The following STARD9 variants were observed in gnomAD, a reference collection of about 807,000 sequenced individuals.
STARD9 encodes the protein stAR-related lipid transfer protein 9.
Under a neutral mutation model 399.8 loss-of-function variants are expected in STARD9, and 346 were observed. The observed-to-expected ratio is 0.87, with a 90% CI of 0.79 to 0.95. The LOEUF (loss-of-function observed/expected upper bound fraction) is 0.95. Ranked by LOEUF, STARD9 falls within the 40% of genes least tolerant of loss-of-function variation. STARD9 has a pLI of 0.00. For missense variants in STARD9, 5,832 were observed against 5,667.5 expected, an observed-to-expected ratio of 1.03 and a Z score of -0.93; for synonymous variants, 2,203 against 2,143.5, an observed-to-expected ratio of 1.03 and a Z score of -0.77.
chr15:42,588,802 T>G (rs1160709503), intron 3 of STARD9, among the ~76,000 whole-genome samples: 26 of 41,854 alleles, frequency 6.2e-4, no homozygotes, highest in African/African-American at 8.7e-4. Flanking sequence ...TTTTTTTTTT[T>G]TTTTTTTTTT....
intron 26 of STARD9, among the ~76,000 whole-genome samples, chr15:42,699,346 A>G (rs1180921715): frequency 6.7e-6 from 1 of 149,666 alleles, no homozygotes. Flanking sequence ...GCCTCTGGTA[A>G]CCACTATTCT....
At chr15:42,649,190 C>T (rs956696446) in intron 7 of STARD9, among the ~76,000 whole-genome samples, 7 of 152,056 alleles carry the variant, frequency 4.6e-5, no homozygotes, top group African/African-American at 9.7e-5. Context: ...CCACCACAGC[C>T]GGCTGATTTT....
In STARD9 at chr15:42,688,328, A is replaced by G. The variant is rs1327669787; in HGVS notation, c.6750A>G (p.Lys2250=). ...GTCTTGAGGAATTGGAGACTGTGAA[A>G]GGTTTTCAGGAAAGCCAAGTAGCTG... ...LGSLEELETV[K]GFQESQVAEH... Residue 2250 remains lysine (K), a synonymous_variant, in exon 23 of 33, where the codon AAA becomes AAG. Transcript: ENST00000290607. The G allele has an allele frequency of 1.3e-6, 2 of 1,537,434 alleles. No individual in the cohort carries two copies. The highest frequency in any genetic ancestry group is 4.9e-5 in the East Asian group (2 of 40,928).
chr15:42,657,083 G>A (rs976796439), intron 9 of STARD9, among the ~76,000 whole-genome samples: 6 of 152,220 alleles, frequency 3.9e-5, no homozygotes, highest in African/African-American at 7.2e-5. Flanking sequence ...AAGGCTGGGC[G>A]TGGTGGCTCA....
chr15:42,640,617 T>G (rs1313310522), intron 7 of STARD9, among the ~76,000 whole-genome samples: 1 of 151,864 alleles, frequency 6.6e-6, no homozygotes, highest in Non-Finnish European at 1.5e-5. Context: ...GTCAGGAGAT[T>G]GAGACCATCC....
intron 3 of STARD9, among the ~76,000 whole-genome samples, chr15:42,615,034 A>G (rs1447887505): frequency 1.7e-4 from 23 of 137,752 alleles, no homozygotes; most frequent in Non-Finnish European, 2.8e-4. Context: ...TTTTTCCAGG[A>G]GTCTTGCTCT....
chr15:42,676,468 AAGAATCC>A (rs769663696), intron 20 of STARD9, among the ~76,000 whole-genome samples: 4 of 152,208 alleles, frequency 2.6e-5, no homozygotes, highest in Admixed American at 6.5e-5. Context: ...TCTCATAACC[AAGAATCC>A]AGAACTGTGC....
chr15:42,709,721 G>GA (rs1485113862), intron 26 of STARD9, among the ~76,000 whole-genome samples: 1 of 152,120 alleles, frequency 6.6e-6, no homozygotes, highest in African/African-American at 2.4e-5. Context: ...GGAGATGATG[G>GA]AAAATCCTGT....
At chr15:42,601,271 C>T (rs1197050926) in intron 3 of STARD9, among the ~76,000 whole-genome samples, 2 of 152,178 alleles carry the variant, frequency 1.3e-5, no homozygotes, top group Non-Finnish European at 2.9e-5. Context: ...CTTCTTTCTA[C>T]GCAGACACAG....
chr15:42,660,565 C>CA (rs1230698735), intron 9 of STARD9, among the ~76,000 whole-genome samples: 633 of 50,448 alleles, frequency 0.013, 1 homozygote, highest in African/African-American at 0.036. Context: ...AACTCCGGCT[C>CA]AAAAAAAAAA....
At chr15:42,666,676 T>C (rs1440291948) in intron 15 of STARD9, among the ~76,000 whole-genome samples, 2 of 152,042 alleles carry the variant, frequency 1.3e-5, no homozygotes, top group Non-Finnish European at 2.9e-5. Flanking sequence ...ATGATAGTTG[T>C]ATGCAGGATG....
In STARD9 at chr15:42,688,479, C is replaced by G; in HGVS notation, c.6901C>G (p.Gln2301Glu). 1.3e-6 allele frequency: 2 copies of G among 1,537,862 alleles called. No individual in the cohort carries two copies. Among genetic ancestry groups the G allele is most frequent in the Non-Finnish European group, 1.7e-6 (2 of 1,147,050 alleles). ...GACTCAGAAATTTCCTAGTCTCAGC[C>G]AGCTTTGTAGGGACACGTTTTTCAG... ...KVTQKFPSLS[Q>E]LCRDTFFRQE... The change falls in exon 23 of 33, where the codon CAG (glutamine) becomes GAG (glutamate). Residue 2301 changes from glutamine (Q) to glutamate (E), a missense_variant. Transcript: ENST00000290607.
intron 3 of STARD9, among the ~76,000 whole-genome samples, chr15:42,603,321 C>T (rs2058666794): frequency 1.3e-5 from 2 of 152,176 alleles, no homozygotes; most frequent in Admixed American, 1.3e-4. Context: ...TGGGTTTCCC[C>T]ATGCAAGCCC....
chr15:42,595,566 T>G (rs1476534759), intron 3 of STARD9, among the ~76,000 whole-genome samples: 5 of 152,330 alleles, frequency 3.3e-5, no homozygotes, highest in African/African-American at 1.2e-4. Flanking sequence ...ATAATTTGCC[T>G]AAGTTAAAGA....
intron 1 of STARD9, among the ~76,000 whole-genome samples, chr15:42,578,241 A>G (rs1381388070): frequency 6.6e-6 from 1 of 151,834 alleles, no homozygotes; most frequent in Non-Finnish European, 1.5e-5. Context: ...CTCCTGAGTA[A>G]CTGGGATTAT....
At chr15:42,624,352 A>G (rs1268375571) in intron 3 of STARD9, among the ~76,000 whole-genome samples, 2 of 152,138 alleles carry the variant, frequency 1.3e-5, no homozygotes, top group Non-Finnish European at 2.9e-5. Flanking sequence ...TAACAAAACA[A>G]GGTTCAGCTT....
At chr15:42,710,052 C>A (rs1017005989) in intron 26 of STARD9, among the ~76,000 whole-genome samples, 2 of 148,680 alleles carry the variant, frequency 1.3e-5, no homozygotes, top group African/African-American at 5.0e-5. Flanking sequence ...TTTGACATGC[C>A]CTGTCTTTTT....
chr15:42,626,509 T>C (rs1413120824), intron 3 of STARD9, among the ~76,000 whole-genome samples: 7 of 151,700 alleles, frequency 4.6e-5, no homozygotes, highest in Non-Finnish European at 7.4e-5. Flanking sequence ...TTTTTTTTTT[T>C]TGTGGCAGGG....
chr15:42,669,496 A>G (rs1223626707), intron 16 of STARD9, 159 bp downstream of exon 16: 6 of 577,668 alleles, frequency 1.0e-5, no homozygotes, highest in Non-Finnish European at 1.8e-5. Flanking sequence ...TACCTGACAA[A>G]TTGTGATCTG....
Sources: allele counts gnomAD v4.1 joint callset (sites outside exome capture counted in the v4.1 genomes callset), GRCh38; gene constraint gnomAD v4.1.1; transcripts MANE v1.5; gene names NCBI Gene and HGNC (gene_info 2026-07-23, HGNC 2026-07-21).